CAMK4: variants seen among roughly 807,000 people sequenced by gnomAD.
CAMK4 encodes the protein calcium/calmodulin dependent protein kinase IV, also known as calcium/calmodulin-dependent protein kinase type IV.
Under a neutral mutation model 44.9 loss-of-function variants are expected in CAMK4, and 22 were observed. That is an observed-to-expected ratio of 0.49 (90% CI 0.35 to 0.70). The LOEUF (loss-of-function observed/expected upper bound fraction) is 0.70. CAMK4 is among the 30% of genes least tolerant of loss of function. CAMK4 has a pLI of 0.01. For synonymous variants in CAMK4, 218 were observed against 215.4 expected, an observed-to-expected ratio of 1.01 and a Z score of -0.11; for missense variants, 498 against 586.8, an observed-to-expected ratio of 0.85 and a Z score of 1.56.
At chr5:111,338,309 G>A (rs977097821) in intron 1 of CAMK4, among the ~76,000 whole-genome samples, 2 of 150,960 alleles carry the variant, frequency 1.3e-5, no homozygotes, top group Non-Finnish European at 3.0e-5. Context: ...ATTATTAAGA[G>A]CTCTTGCATT....
At chr5:111,284,628 C>T (rs1290531508) in intron 1 of CAMK4, among the ~76,000 whole-genome samples, 1 of 152,174 alleles carries the variant, frequency 6.6e-6, no homozygotes, top group East Asian at 1.9e-4. Flanking sequence ...AAGAACTTCC[C>T]TGGAGCACAG....
chr5:111,328,751 G>T (rs912151211), intron 1 of CAMK4, among the ~76,000 whole-genome samples: 15 of 151,916 alleles, frequency 9.9e-5, no homozygotes, highest in African/African-American at 2.7e-4. Flanking sequence ...GGATTCCTAG[G>T]TATTTTATTC....
At chr5:111,375,136 A>G (rs1751166382) in intron 3 of CAMK4, among the ~76,000 whole-genome samples, 1 of 152,198 alleles carries the variant, frequency 6.6e-6, no homozygotes, top group Non-Finnish European at 1.5e-5. Context: ...TTAGCAATAT[A>G]CGCCATCTTT....
intron 1 of CAMK4, among the ~76,000 whole-genome samples, chr5:111,280,653 G>A (rs1157503322): frequency 6.6e-6 from 1 of 152,172 alleles, no homozygotes; most frequent in East Asian, 1.9e-4. Context: ...AAACTGAAAG[G>A]TTTGCTGAGA....
chr5:111,367,992 A>G (rs569421882), intron 2 of CAMK4, among the ~76,000 whole-genome samples: 12 of 151,928 alleles, frequency 7.9e-5, no homozygotes, highest in African/African-American at 2.2e-4. Flanking sequence ...CCTCACTCTC[A>G]CTGTGTTGGG....
intron 8 of CAMK4, among the ~76,000 whole-genome samples, chr5:111,478,037 G>A (rs1402299539): frequency 6.6e-6 from 1 of 151,770 alleles, no homozygotes; most frequent in African/African-American, 2.4e-5. Flanking sequence ...TCCATGGAAA[G>A]GCTTTAGCAT....
At chr5:111,269,561 C>T (rs1412589923) in intron 1 of CAMK4, among the ~76,000 whole-genome samples, 10 of 152,108 alleles carry the variant, frequency 6.6e-5, no homozygotes. Context: ...AAACTGCAGG[C>T]CGTGACCTGC....
At chr5:111,436,978 G>C (rs534730900) in intron 5 of CAMK4, among the ~76,000 whole-genome samples, 1 of 152,202 alleles carries the variant, frequency 6.6e-6, no homozygotes, top group South Asian at 2.1e-4. Flanking sequence ...ATTAGGTAAT[G>C]GTTTAAAATG....
chr5:111,278,825 A>G (rs1454927918), intron 1 of CAMK4, among the ~76,000 whole-genome samples: 2 of 152,322 alleles, frequency 1.3e-5, no homozygotes, highest in East Asian at 1.9e-4. Flanking sequence ...GAAAAAAGGG[A>G]TGGTTTCAGT....
At chr5:111,457,486 G>T (rs1754460028) in intron 7 of CAMK4, among the ~76,000 whole-genome samples, 1 of 152,214 alleles carries the variant, frequency 6.6e-6, no homozygotes, top group African/African-American at 2.4e-5. Flanking sequence ...GCCCATTCAT[G>T]ATTTCAAGGA....
chr5:111,485,151 A>G lies in CAMK4; in HGVS notation c.*685A>G, dbSNP rs1213621401. On this transcript the variant is annotated 3_prime_UTR_variant, in exon 11 of 11. Coordinates refer to ENST00000282356, the MANE Select transcript of CAMK4 (RefSeq NM_001744.6). ...TCTGCCATTTTACAACCCTGGAGGA[A>G]GTAATTTACAAACTCACGCTGAGTT... 1 of 152,204 alleles carries G rather than the reference A, an allele frequency of 6.6e-6. No homozygotes were observed. Among genetic ancestry groups the G allele is most frequent in the Non-Finnish European group, 1.5e-5 (1 of 68,024 alleles). The allele number at this position is 152,204 out of a possible 1,614,324, so 9.4% of individuals were successfully genotyped here.
rs138450797 is a variant in CAMK4, at chr5:111,484,332, C to T, written c.1288C>T (p.Leu430=). Residue 430 remains leucine (L), a synonymous_variant, in exon 11 of 11, where the codon CTG becomes TTG. Transcript: ENST00000282356. This position sits in a 1 kb window ranked among gnomAD's most constrained non-coding sequence, Gnocchi z 5.3. ...AVEDGIKVAD[L]ELEEGLAEEK... is the part of the protein sequence containing the mutation. Reference sequence around the variant, plus strand: ...GGAGGATGGGATAAAGGTGGCTGACCTGGAACTAGAGGAGGGCCTAGCAGA... The same window carrying T: ...GGAGGATGGGATAAAGGTGGCTGACTTGGAACTAGAGGAGGGCCTAGCAGA... 3.7e-6 allele frequency: 6 copies of T among 1,613,648 alleles called. No individual in the cohort carries two copies. The African/African-American group carries it at 6.7e-5, about 18-fold the overall frequency.
At chr5:111,240,475 A>G (rs1041141314) in intron 1 of CAMK4, among the ~76,000 whole-genome samples, 4 of 152,224 alleles carry the variant, frequency 2.6e-5, no homozygotes, top group Admixed American at 1.3e-4. Flanking sequence ...GTTGTAAAAG[A>G]AAGTTTGATT....
At chr5:111,382,621 G>T (rs370201) in intron 4 of CAMK4, among the ~76,000 whole-genome samples, 138,697 of 152,068 alleles carry the variant, frequency 0.91, 63,355 homozygotes, top group East Asian at 1. Flanking sequence ...TTAATCATTA[G>T]AGCAACACAT....
At chr5:111,271,833 G>A (rs1310844699) in intron 1 of CAMK4, among the ~76,000 whole-genome samples, 1 of 152,034 alleles carries the variant, frequency 6.6e-6, no homozygotes. Flanking sequence ...GGTCCTCTAA[G>A]TGTGCCATAA....
At chr5:111,368,508 T>A (rs1750881639) in intron 2 of CAMK4, among the ~76,000 whole-genome samples, 1 of 152,108 alleles carries the variant, frequency 6.6e-6, no homozygotes. Flanking sequence ...CATGATACCT[T>A]TAAAGAGAAC....
chr5:111,379,261 G>A (rs559882995), intron 4 of CAMK4, among the ~76,000 whole-genome samples: 41 of 152,214 alleles, frequency 2.7e-4, no homozygotes, highest in African/African-American at 9.9e-4. Context: ...GGAATCATGG[G>A]TTTCTCCTTC....
At chr5:111,360,752 T>G (rs766625723) in intron 2 of CAMK4, among the ~76,000 whole-genome samples, 12 of 152,094 alleles carry the variant, frequency 7.9e-5, no homozygotes, top group Non-Finnish European at 1.5e-4. Context: ...CTTTTGTTTA[T>G]CTGGTCTTTC....
intron 1 of CAMK4, among the ~76,000 whole-genome samples, chr5:111,279,969 G>C (rs1750939012): frequency 6.6e-6 from 1 of 152,184 alleles, no homozygotes; most frequent in Non-Finnish European, 1.5e-5. Flanking sequence ...TGGTCATTTG[G>C]AAGAAGGAAG....
Sources: allele counts gnomAD v4.1 joint callset (sites outside exome capture counted in the v4.1 genomes callset), GRCh38; gene constraint gnomAD v4.1.1; non-coding constraint Gnocchi (gnomAD v3.1); transcripts MANE v1.5; gene names NCBI Gene and HGNC (gene_info 2026-07-23, HGNC 2026-07-21).